The following GPC1 variants were observed in gnomAD, a reference collection of about 807,000 sequenced individuals.
The protein encoded by GPC1 is glypican 1, also known as glypican-1.
In GPC1, 26 loss-of-function variants were observed where a neutral mutation model predicts 51.5. The ratio of observed to expected loss-of-function variants is 0.50; its 90% CI spans 0.37 to 0.70. The LOEUF (loss-of-function observed/expected upper bound fraction) is 0.70, where lower values mean the gene tolerates loss of function less well. Ranked by LOEUF, GPC1 falls within the 30% of genes least tolerant of loss-of-function variation. The pLI, the probability that GPC1 is intolerant of heterozygous loss-of-function variation, is 0.00. For missense variants in GPC1, 775 were observed against 800.5 expected (o/e 0.97, Z 0.38); for synonymous variants, 380 against 348.3 (o/e 1.09, Z -1.01).
intron 1 of GPC1, among the ~76,000 whole-genome samples, chr2:240,441,923 G>A (rs2074019831): frequency 6.6e-6 from 1 of 152,190 alleles, no homozygotes. Context: ...CCCTTGGCCC[G>A]CCGTGGGTGG....
intron 1 of GPC1, among the ~76,000 whole-genome samples, chr2:240,436,659 T>G (rs1258698507): frequency 6.6e-6 from 1 of 152,192 alleles, no homozygotes. Flanking sequence ...GCTGACCCCC[T>G]CGGGGGGTAG....
rs770957501 is a variant in GPC1 at position 240,459,076 on chromosome 2, C to T, written c.213C>T (p.Ser71=). The T allele has an allele frequency of 1.2e-5, 19 of 1,612,752 alleles. No individual in the cohort carries two copies. The highest frequency in any genetic ancestry group is 6.7e-5 in the East Asian group (3 of 44,896). ...CCCAGGGCTACACCTGCTGCACCAG[C>T]GAGATGGAGGAGAACCTGGCCAACC... The part of the protein sequence containing the change: ...ICPQGYTCCT[S]EMEENLANRS... Residue 71 remains serine, a synonymous_variant, in exon 2 of 9, where the codon AGC becomes AGT. Coordinates refer to ENST00000264039, the MANE Select transcript of GPC1 (RefSeq NM_002081.3).
intron 4 of GPC1, chr2:240,464,383 C>T (rs140723732): frequency 5.7e-5 from 31 of 542,386 alleles, no homozygotes; most frequent in African/African-American, 1.6e-4. Context: ...TGTGTATGTG[C>T]GTGTTCACCT....
chr2:240,455,347 G>A (rs935972125), intron 1 of GPC1, among the ~76,000 whole-genome samples: 1 of 152,242 alleles, frequency 6.6e-6, no homozygotes, highest in East Asian at 1.9e-4. Flanking sequence ...TCAGCCCAGG[G>A]ATCAGGGAAG....
At chr2:240,446,059 C>T (rs4676438) in intron 1 of GPC1, among the ~76,000 whole-genome samples, 5 of 152,152 alleles carry the variant, frequency 3.3e-5, no homozygotes, top group Non-Finnish European at 4.4e-5. Context: ...CAATGGGCAA[C>T]GGGGCCCACG....
intron 1 of GPC1, among the ~76,000 whole-genome samples, chr2:240,457,775 G>T (rs976435067): frequency 7.9e-5 from 12 of 152,170 alleles, no homozygotes; most frequent in Admixed American, 5.2e-4. Flanking sequence ...ACTTCCTGCT[G>T]ACCCTCAGGA....
chr2:240,466,007 A>T, intron 8 of GPC1, 51 bp from the exon 9 acceptor site: 1 of 1,176,226 alleles, frequency 8.5e-7, no homozygotes, highest in Non-Finnish European at 1.3e-6. Context: ...GTGGTGCTGC[A>T]CTGGGGTCTC....
intron 1 of GPC1, among the ~76,000 whole-genome samples, chr2:240,455,199 T>G (rs1574769461): frequency 6.6e-6 from 1 of 152,134 alleles, no homozygotes; most frequent in South Asian, 2.1e-4. Flanking sequence ...ACTCTGGGTT[T>G]GAGGTGGGGG....
chr2:240,453,768 G>A (rs1189972180), intron 1 of GPC1, among the ~76,000 whole-genome samples: 2 of 151,796 alleles, frequency 1.3e-5, no homozygotes, highest in African/African-American at 4.8e-5. Context: ...TGCCGTCTTC[G>A]TCCCTGGCCG....
chr2:240,462,157 C>G, intron 2 of GPC1, 34 bp from the exon 3 acceptor site: 1 of 1,520,588 alleles, frequency 6.6e-7, no homozygotes, highest in African/African-American at 1.4e-5. Context: ...GCGGGGGAAA[C>G]ATGGTCCCGA....
Position 240,466,195 on chromosome 2 carries a change from A to G in GPC1, c.1582A>G (p.Lys528Glu), listed in dbSNP as rs2151797746. The change falls in exon 9 of 9, where the codon AAG (lysine) becomes GAG (glutamate). Residue 528 changes from lysine (K) to glutamate (E), a missense_variant. Lys to Glu is a moderately conservative substitution (Grantham distance 56). Transcript: ENST00000264039. ...LPGLSEQEGQKTSAASCPQPP... is the reference protein window; with the variant it reads ...LPGLSEQEGQETSAASCPQPP... ...AGGCCTGTCAGAGCAGGAAGGACAG[A>G]AGACCTCGGCTGCCAGCTGCCCCCA... 1.2e-6 allele frequency: 2 copies of G among 1,612,694 alleles called. No homozygotes were observed. Among genetic ancestry groups the G allele is most frequent in the South Asian group, 1.1e-5 (1 of 91,068 alleles).
intron 4 of GPC1, chr2:240,464,275 T>G: frequency 3.0e-6 from 1 of 332,830 alleles, no homozygotes. Context: ...GCACACAAGC[T>G]GGACCAAGGT....
At chr2:240,450,996 G>A (rs943869448) in intron 1 of GPC1, 4 of 412,518 alleles carry the variant, frequency 9.7e-6, no homozygotes, top group African/African-American at 8.2e-5. Flanking sequence ...TGACTGGGTG[G>A]AGTGACTGGG....
intron 1 of GPC1, among the ~76,000 whole-genome samples, chr2:240,453,350 ACCGCCCGCCCCGCTCCCT>A (rs1559198180): frequency 0.011 from 31 of 2,892 alleles, no homozygotes; most frequent in East Asian, 0.016. Flanking sequence ...CCCCGCTCCC[ACCGCCCGCCCCGCTCCCT>A]CCGCCCGCCC....
intron 1 of GPC1, among the ~76,000 whole-genome samples, chr2:240,453,818 A>G (rs1458697495): frequency 1.3e-5 from 2 of 151,810 alleles, no homozygotes; most frequent in Non-Finnish European, 2.9e-5. Context: ...CGGGACCCCC[A>G]GGGCGGCGAC....
chr2:240,454,802 ATC>A, intron 1 of GPC1: 1 of 158,006 alleles, frequency 6.3e-6, no homozygotes, highest in South Asian at 1.7e-4. Flanking sequence ...TGGCGCCATC[ATC>A]TCTCTGCATT....
chr2:240,465,858 T>TA (rs1338125727), intron 8 of GPC1, among the ~76,000 whole-genome samples, 200 bp from the exon 9 acceptor site: 3 of 152,186 alleles, frequency 2.0e-5, no homozygotes, highest in African/African-American at 7.2e-5. Flanking sequence ...TCTGTTGGCT[T>TA]TGGCTCCAGG....
In GPC1 at chr2:240,462,568, C is replaced by T. The variant is rs758245230; in HGVS notation, c.703C>T (p.Arg235Trp). ...QGLGVASDVV[R>W]KVAQVPLGPE... The stretch of plus-strand genomic sequence containing the variant: ...CCTGGGCGTGGCCAGCGACGTGGTC[C>T]GGAAAGTGGCTCAGGTGCGCACAGC... Residue 235 changes from arginine (R) to tryptophan (W), a missense_variant, in exon 3 of 9, where the codon CGG becomes TGG. Physicochemically the swap from Arg to Trp is moderately radical, Grantham distance 101. Transcript: ENST00000264039. 10 of 1,526,054 alleles carry T rather than the reference C, an allele frequency of 6.6e-6. No homozygotes were observed. The highest frequency in any genetic ancestry group is 2.8e-5 in the African/African-American group (2 of 72,432). 94.5% of individuals were successfully genotyped at this position (1,526,054 alleles called of 1,614,324 possible).
chr2:240,463,987 A>G, intron 4 of GPC1: 1 of 214,168 alleles, frequency 4.7e-6, no homozygotes, highest in Non-Finnish European at 9.4e-6. Context: ...CATCAATGCC[A>G]ACACGTGTGT....
Sources: allele counts gnomAD v4.1 joint callset (sites outside exome capture counted in the v4.1 genomes callset), GRCh38; gene constraint gnomAD v4.1.1; transcripts MANE v1.5; gene names NCBI Gene and HGNC (gene_info 2026-07-23, HGNC 2026-07-21).